ADGRF3: variants seen among roughly 807,000 people sequenced by gnomAD.
ADGRF3 encodes the protein G protein-coupled receptor 113.
ADGRF3 carries 85 observed loss-of-function variants against 93.2 expected under a neutral mutation model. The observed-to-expected ratio is 0.91, with a 90% CI of 0.77 to 1.09. The LOEUF is 1.09. ADGRF3 is among the 50% of genes least tolerant of loss of function. The pLI is 0.00. For missense variants in ADGRF3, 1,125 were observed against 1,246.2 expected (o/e 0.90, Z 1.46); for synonymous variants, 534 against 532.5 (o/e 1.00, Z -0.04).
At position 26,323,735 on chromosome 2, in the gene ADGRF3, T is replaced by C. The variant is rs374453857; in HGVS notation, c.115-6173A>G. Among the ~76,000 whole-genome samples the C allele has an allele frequency of 2.0e-5, 3 of 151,806 alleles. No individual in the cohort carries two copies. The South Asian group carries it at 6.2e-4, about 32-fold the overall frequency. ...ACCTCCACCTCCTAGGTTTAAGTGA[T>C]TCTCCTGCCTCAGCCTCCCAAGTAG... is the stretch of plus-strand genomic sequence containing the variant. On this transcript the variant is annotated intron_variant, in intron 1 of 13. Coordinates refer to ENST00000651242, the MANE Select transcript of ADGRF3 (RefSeq NM_001321971.2).
At chr2:26,337,368 A>AT (rs1286465953) in intron 1 of ADGRF3, among the ~76,000 whole-genome samples, 1 of 152,258 alleles carries the variant, frequency 6.6e-6, no homozygotes, top group African/African-American at 2.4e-5. Flanking sequence ...TGATTGACAG[A>AT]TAAAAATTGT....
chr2:26,345,973 G>T (rs1446187010), intron 1 of ADGRF3, 148 bp downstream of exon 1: 8 of 717,548 alleles, frequency 1.1e-5, no homozygotes, highest in South Asian at 9.2e-5. Context: ...TTGGACAACA[G>T]CAGTGTCGGG....
chr2:26,310,406 G>A (rs564821754), intron 10 of ADGRF3, among the ~76,000 whole-genome samples, 169 bp from the exon 11 acceptor site: 41 of 152,220 alleles, frequency 2.7e-4, no homozygotes, highest in African/African-American at 9.4e-4. Context: ...TTATTGTTAT[G>A]GTTATAAAAG....
chr2:26,334,536 G>C (rs1434621256), intron 1 of ADGRF3, among the ~76,000 whole-genome samples: 1 of 151,916 alleles, frequency 6.6e-6, no homozygotes, highest in Non-Finnish European at 1.5e-5. Context: ...CTACCTCAAG[G>C]GCTTGCTTCT....
chr2:26,309,691 G>A, intron 12 of ADGRF3, 110 bp from the exon 13 acceptor site: 1 of 1,428,648 alleles, frequency 7.0e-7, no homozygotes, highest in Admixed American at 2.0e-5. Flanking sequence ...TGCCTGTGCT[G>A]CAGGAATCCT....
chr2:26,313,477 C>T lies in ADGRF3; in HGVS notation c.1169G>A (p.Arg390Lys). 1 of 1,611,628 alleles carries T rather than the reference C, an allele frequency of 6.2e-7. No homozygotes were observed. The highest frequency in any genetic ancestry group is 8.5e-7 in the Non-Finnish European group (1 of 1,179,038). The change falls in exon 8 of 14, where the codon AGG becomes AAG. Residue 390 changes from arginine to lysine, a missense_variant. Arg to Lys is a conservative substitution (Grantham distance 26). Transcript: ENST00000651242. ...CCCACAGAGCCTCCTCACTATGCCC[C>T]TCTTGCTCTCAGGACATGGGGCCTG... is the stretch of plus-strand genomic sequence containing the variant. ...VAQAPCPESK[R>K]GIVRRLCGAD...
chr2:26,342,631 T>C (rs1169857048), intron 1 of ADGRF3, among the ~76,000 whole-genome samples: 2 of 152,222 alleles, frequency 1.3e-5, no homozygotes, highest in Non-Finnish European at 2.9e-5. Flanking sequence ...AAATGCCTGA[T>C]CTTGAGTGTA....
chr2:26,340,117 A>G (rs1197145446), intron 1 of ADGRF3, among the ~76,000 whole-genome samples: 1 of 152,128 alleles, frequency 6.6e-6, no homozygotes, highest in Non-Finnish European at 1.5e-5. Context: ...AATTTTACAT[A>G]TTGTTTCCTA....
rs1481736872 is a variant in ADGRF3 at position 26,346,240 on chromosome 2, G to A, written c.-6C>T. On this transcript the variant is annotated 5_prime_UTR_variant, in exon 1 of 14. Transcript: ENST00000651242. ...CTCAGTTTTCGGGTCGTCATGGCTGGCTACGAATACGTGAGCCCGGAGCAG... is the reference window on the plus strand; with the variant it reads ...CTCAGTTTTCGGGTCGTCATGGCTGACTACGAATACGTGAGCCCGGAGCAG... 6.2e-7 allele frequency: 1 copy of A among 1,613,522 alleles called. No individual in the cohort carries two copies. Among genetic ancestry groups the A allele is most frequent in the Non-Finnish European group, 8.5e-7 (1 of 1,179,650 alleles).
Position 26,316,285 on chromosome 2 carries a change from C to A in ADGRF3, c.489G>T (p.Leu163Phe). ...CCCAACCTTCCTCACCAGGTGGCAG[C>A]AACTGGCAGTACCCGGGTTCGGGAT... ...FSHPEPGYCQLLPPVPGILNL... is the reference protein window; with the variant it reads ...FSHPEPGYCQFLPPVPGILNL... The change falls in exon 4 of 14, where the codon TTG (leucine) becomes TTT (phenylalanine). Residue 163 changes from leucine (L) to phenylalanine (F), a missense_variant. By Grantham distance (22) the Leu-to-Phe change is conservative. Coordinates refer to ENST00000651242, the MANE Select transcript of ADGRF3 (RefSeq NM_001321971.2). The A allele has an allele frequency of 1.9e-6, 3 of 1,551,284 alleles. No homozygotes were observed. Among genetic ancestry groups the A allele is most frequent in the Non-Finnish European group, 2.6e-6 (3 of 1,146,764 alleles).
chr2:26,315,581 A>G lies in ADGRF3; in HGVS notation c.659T>C (p.Val220Ala). The change falls in exon 5 of 14, where the codon GTG (valine) becomes GCG (alanine). Residue 220 changes from valine to alanine, a missense_variant. Physicochemically the swap from Val to Ala is moderately conservative, Grantham distance 64. Coordinates refer to ENST00000651242, the MANE Select transcript of ADGRF3 (RefSeq NM_001321971.2). ...ILLQPGTQVS[V>A]TSSHGQAALS... is the part of the protein sequence containing the mutation. ...GGCAGCCTGGCCGTGGCTGGAAGTC[A>G]CAGACACCTGTGTCCCTGGCTGCAG... The G allele has an allele frequency of 6.4e-7, 1 of 1,551,604 alleles. No individual in the cohort carries two copies. The highest frequency in any genetic ancestry group is 1.2e-5 in the South Asian group (1 of 84,056).
Position 26,346,380 on chromosome 2 carries a change from G to A in ADGRF3, c.-146C>T. The A allele has an allele frequency of 5.7e-6, 8 of 1,407,092 alleles. No homozygotes were observed. The highest frequency in any genetic ancestry group is 7.4e-6 in the Non-Finnish European group (8 of 1,074,382). 87.2% of individuals were successfully genotyped at this position (1,407,092 alleles called of 1,614,324 possible). ...CGCGGCGCGGTCCGTGTCACCTTGT[G>A]CCGCGTGGCTCCGGGCGGGCTGGCG... is the stretch of plus-strand genomic sequence containing the variant. On this transcript the variant is annotated 5_prime_UTR_variant, in exon 1 of 14. Transcript: ENST00000651242.
chr2:26,316,835 T>G, intron 3 of ADGRF3, 77 bp downstream of exon 3: 3 of 1,468,906 alleles, frequency 2.0e-6, no homozygotes, highest in South Asian at 1.4e-5. Context: ...GCTCACAGAG[T>G]CTCAGGCAAG....
chr2:26,345,826 C>A (rs982295341), intron 1 of ADGRF3: 2 of 412,056 alleles, frequency 4.9e-6, no homozygotes, highest in Admixed American at 4.0e-5. Flanking sequence ...TCCCCCGGGA[C>A]CGGGAGCAAA....
intron 1 of ADGRF3, among the ~76,000 whole-genome samples, chr2:26,339,114 CAAAAAAAAAAA>C (rs61584458): frequency 8.6e-4 from 34 of 39,674 alleles, no homozygotes; most frequent in Non-Finnish European, 1.6e-3. Context: ...GACTCCGTCA[CAAAAAAAAAAA>C]AAAAAAAAAA....
chr2:26,338,402 T>C (rs535387260), intron 1 of ADGRF3, among the ~76,000 whole-genome samples: 3 of 152,302 alleles, frequency 2.0e-5, no homozygotes, highest in African/African-American at 7.2e-5. Context: ...TGGATGATGC[T>C]GGTCATTTTC....
intron 1 of ADGRF3, among the ~76,000 whole-genome samples, chr2:26,331,918 T>C (rs1054030331): frequency 4.6e-5 from 7 of 152,220 alleles, no homozygotes; most frequent in Non-Finnish European, 8.8e-5. Flanking sequence ...CTGTTGTCTA[T>C]GTGTTTTCTA....
chr2:26,335,142 C>T (rs1439296131), intron 1 of ADGRF3, among the ~76,000 whole-genome samples: 1 of 152,136 alleles, frequency 6.6e-6, no homozygotes, highest in African/African-American at 2.4e-5. Flanking sequence ...CTACCTAATT[C>T]CAGAACATTT....
rs146549525 is a variant in ADGRF3, at chr2:26,310,732, G to A, written c.2792C>T (p.Thr931Met). Residue 931 changes from threonine (T) to methionine (M), a missense_variant, in exon 10 of 14, where the codon ACG (threonine) becomes ATG (methionine). By Grantham distance (81) the Thr-to-Met change is moderately conservative. Transcript: ENST00000651242. The part of the protein sequence containing the change: ...GLATLLEEVS[T>M]VPHYIFTILN... ...AATGGTGAAGATGTAATGAGGGACC[G>A]TGGAGACTTCCTCTAACAGAGTGGC... 41 of 1,612,824 alleles carry A rather than the reference G, an allele frequency of 2.5e-5. No homozygotes were observed. Among genetic ancestry groups the A allele is most frequent in the South Asian group, 3.3e-5 (3 of 90,878 alleles).
Sources: allele counts gnomAD v4.1 joint callset (sites outside exome capture counted in the v4.1 genomes callset), GRCh38; gene constraint gnomAD v4.1.1; transcripts MANE v1.5; gene names NCBI Gene and HGNC (gene_info 2026-07-23, HGNC 2026-07-21).